Variants in CDH4 observed in about 807,000 individuals in gnomAD.
CDH4 encodes the protein cadherin-4.
Under a neutral mutation model 86.0 loss-of-function variants are expected in CDH4, and 33 were observed. The ratio of observed to expected loss-of-function variants is 0.38; its 90% CI spans 0.29 to 0.51. The LOEUF (loss-of-function observed/expected upper bound fraction) is 0.51. Among genes scored for constraint, CDH4 ranks in the 20% least tolerant of loss-of-function variants. The pLI is 0.86. For missense variants in CDH4, 1,114 were observed against 1,307.4 expected (o/e 0.85, Z 2.28); for synonymous variants, 555 against 549.4 (o/e 1.01, Z -0.14).
intron 2 of CDH4, among the ~76,000 whole-genome samples, chr20:61,440,578 T>C (rs1480762258): frequency 6.6e-6 from 1 of 152,224 alleles, no homozygotes; most frequent in Non-Finnish European, 1.5e-5. Context: ...AAATACTCGG[T>C]TTGCACTCTT....
intron 2 of CDH4, among the ~76,000 whole-genome samples, chr20:61,379,253 G>A (rs550173669): frequency 2.6e-5 from 4 of 152,254 alleles, no homozygotes; most frequent in South Asian, 2.1e-4. Flanking sequence ...GAGGATGCAC[G>A]TGGTTTTGGA....
Position 61,873,065 on chromosome 20 carries a change from G to A in CDH4, c.878-663G>A, listed in dbSNP as rs551977251. ...GCACTATAGACCTCAACCCCAATGT[G>A]TGCATGGGGAAACTGAGGCACCAAG... On this transcript the variant is annotated intron_variant, in intron 6 of 15. Coordinates refer to ENST00000614565, the MANE Select transcript of CDH4 (RefSeq NM_001794.5). 5.3e-5 allele frequency among the ~76,000 whole-genome samples: 8 copies of A among 152,354 alleles called. No homozygotes were observed. The South Asian group carries it at 1.7e-3, about 32-fold the overall frequency.
At position 61,804,734 on chromosome 20, in the gene CDH4, G is replaced by A. The variant is rs375334504; in HGVS notation, c.576+31552G>A. Among the ~76,000 whole-genome samples the A allele has an allele frequency of 3.3e-5, 5 of 152,322 alleles. No homozygotes were observed. In the East Asian group the frequency reaches 5.8e-4, roughly 18 times the overall value. On this transcript the variant is annotated intron_variant, in intron 4 of 15. Coordinates refer to ENST00000614565, the MANE Select transcript of CDH4 (RefSeq NM_001794.5). ...AGGGAAAGTCCAGAGGGGAGTCCCCGTGTGGAGGCATCACCATCTAAGTAC... is the reference window on the plus strand; with the variant it reads ...AGGGAAAGTCCAGAGGGGAGTCCCCATGTGGAGGCATCACCATCTAAGTAC...
intron 2 of CDH4, among the ~76,000 whole-genome samples, chr20:61,723,848 C>A (rs1046065101): frequency 6.6e-6 from 1 of 151,246 alleles, no homozygotes; most frequent in Non-Finnish European, 1.5e-5. Flanking sequence ...ATGAGCCAGA[C>A]GTGCAAGCGG....
In CDH4 at chr20:61,565,098, G is replaced by GTGGTGGTGGTGGTGC. The variant is rs1259616994; in HGVS notation, c.170-178463_170-178462insGTGGTGGTGGTGCTG. On this transcript the variant is annotated intron_variant, in intron 2 of 15. Coordinates refer to ENST00000614565, the MANE Select transcript of CDH4 (RefSeq NM_001794.5). ...GGTGGTGGTGGTGGTGCTCTTGGTG[G>GTGGTGGTGGTGGTGC]TGCTCTTGGTGGTGCTGGTGCTCTT... Among the ~76,000 whole-genome samples the GTGGTGGTGGTGGTGC allele has an allele frequency of 7.3e-5, 9 of 122,774 alleles. No homozygotes were observed. The East Asian group carries it at 1.4e-3, about 20-fold the overall frequency. The allele number at this position is 122,774 out of a possible 152,430, so 80.5% of individuals were successfully genotyped here. A position where few individuals can be genotyped will look rare whatever the true frequency, so the allele number is the denominator to read the frequency against.
chr20:61,726,532 C>T (rs533669308), intron 2 of CDH4, among the ~76,000 whole-genome samples: 68 of 152,232 alleles, frequency 4.5e-4, no homozygotes, highest in African/African-American at 1.6e-3. Flanking sequence ...GGTACATTCC[C>T]AGGCATGTGG....
At chr20:61,648,045 G>A (rs1373003437) in intron 2 of CDH4, among the ~76,000 whole-genome samples, 2 of 152,168 alleles carry the variant, frequency 1.3e-5, no homozygotes, top group Non-Finnish European at 2.9e-5. Context: ...TTAGGGGCAC[G>A]ACTCACTGCA....
At chr20:61,625,232 A>G (rs2086819715) in intron 2 of CDH4, among the ~76,000 whole-genome samples, 1 of 152,144 alleles carries the variant, frequency 6.6e-6, no homozygotes, top group African/African-American at 2.4e-5. Flanking sequence ...CCCAGGCGTG[A>G]TCCTAGTCTG....
At chr20:61,286,740 G>A (rs1164386648) in intron 2 of CDH4, among the ~76,000 whole-genome samples, 1 of 152,200 alleles carries the variant, frequency 6.6e-6, no homozygotes, top group South Asian at 2.1e-4. Flanking sequence ...AATAGCTGAC[G>A]AGTTCATTTT....
intron 2 of CDH4, among the ~76,000 whole-genome samples, chr20:61,308,816 T>C (rs1246537974): frequency 6.6e-6 from 1 of 152,230 alleles, no homozygotes; most frequent in Non-Finnish European, 1.5e-5. Context: ...CAGAAACCTG[T>C]TGCAGCTACT....
chr20:61,616,887 G>C (rs973056774), intron 2 of CDH4, among the ~76,000 whole-genome samples: 50 of 152,158 alleles, frequency 3.3e-4, no homozygotes, highest in African/African-American at 1.2e-3. Context: ...TGCACATCCA[G>C]GGGTTCTTCC....
chr20:61,446,617 A>G (rs780986573), intron 2 of CDH4, among the ~76,000 whole-genome samples: 1 of 151,896 alleles, frequency 6.6e-6, no homozygotes, highest in African/African-American at 2.4e-5. Flanking sequence ...ATTCTTGTGC[A>G]TGCGTTTTTC....
chr20:61,934,729 C>T (rs1404249924), intron 15 of CDH4, among the ~76,000 whole-genome samples: 1 of 148,492 alleles, frequency 6.7e-6, no homozygotes, highest in Non-Finnish European at 1.5e-5. Context: ...CCCCCCTCCC[C>T]ACCCCACCCC....
rs1239409148 is a variant in CDH4, at chr20:61,517,067, C to T, written c.170-226496C>T. Among the ~76,000 whole-genome samples the T allele has an allele frequency of 6.6e-6, 1 of 152,238 alleles. No individual in the cohort carries two copies. Among genetic ancestry groups the T allele is most frequent in the Non-Finnish European group, 1.5e-5 (1 of 68,042 alleles). On this transcript the variant is annotated intron_variant, in intron 2 of 15. Transcript: ENST00000614565. This position sits in a 1 kb window ranked among gnomAD's most constrained non-coding sequence, Gnocchi z 6.6. ...TGGCCAGCACCCAGCTTGAGTCACA[C>T]TCCATCTGCCCTTCCAGAAAGCTCC...
intron 15 of CDH4, 99 bp from the exon 16 acceptor site, chr20:61,936,638 C>T: frequency 1.0e-6 from 1 of 954,522 alleles, no homozygotes; most frequent in East Asian, 3.1e-5. Flanking sequence ...CAACGTCCTA[C>T]CTCCCTACCT....
At chr20:61,751,620 C>T (rs1193888106) in intron 3 of CDH4, among the ~76,000 whole-genome samples, 1 of 152,200 alleles carries the variant, frequency 6.6e-6, no homozygotes, top group Non-Finnish European at 1.5e-5. Context: ...CTGTAGCCCA[C>T]AGGCCTTTTA....
chr20:61,694,867 T>C (rs2087700236), intron 2 of CDH4, among the ~76,000 whole-genome samples: 2 of 152,222 alleles, frequency 1.3e-5, no homozygotes, highest in Admixed American at 1.3e-4. Flanking sequence ...CAGATAGTGC[T>C]GACAGAAGCC....
intron 4 of CDH4, among the ~76,000 whole-genome samples, chr20:61,837,571 C>A (rs1033713443): frequency 6.6e-6 from 1 of 152,076 alleles, no homozygotes; most frequent in Admixed American, 6.5e-5. Context: ...GAATTCCAGG[C>A]GTGGAGGGTA....
chr20:61,896,354 C>CA (rs1985116560), intron 8 of CDH4, among the ~76,000 whole-genome samples: 1 of 152,246 alleles, frequency 6.6e-6, no homozygotes. Flanking sequence ...AGCCCCTCGC[C>CA]ACAGCGGCCG....
Sources: allele counts gnomAD v4.1 joint callset (sites outside exome capture counted in the v4.1 genomes callset), GRCh38; gene constraint gnomAD v4.1.1; non-coding constraint Gnocchi (gnomAD v3.1); transcripts MANE v1.5; gene names NCBI Gene and HGNC (gene_info 2026-07-23, HGNC 2026-07-21).